LRCH3: variants seen among roughly 807,000 people sequenced by gnomAD.
The protein encoded by LRCH3 is DISP complex protein LRCH3.
A neutral mutation model predicts 104.5 loss-of-function variants in LRCH3; 68 were observed. That is an observed-to-expected ratio of 0.65 (90% CI 0.54 to 0.80). The LOEUF is 0.80. Ranked by LOEUF, LRCH3 falls within the 30% of genes least tolerant of loss-of-function variation. LRCH3 has a pLI of 0.00. For missense variants in LRCH3, 951 were observed against 953.9 expected (o/e 1.00, Z 0.04); for synonymous variants, 344 against 361.3 (o/e 0.95, Z 0.54).
chr3:197,845,032 G>C (rs1190566293), intron 10 of LRCH3, among the ~76,000 whole-genome samples: 1 of 152,184 alleles, frequency 6.6e-6, no homozygotes, highest in Non-Finnish European at 1.5e-5. Context: ...GAAACTGAAA[G>C]GACGGGACGC....
In LRCH3 at chr3:197,817,205, A is replaced by G. The variant is rs1309444940; in HGVS notation, c.437A>G (p.His146Arg). ...AACCAACTGTCAACATTGCCGGTAC[A>G]CTTGTGTAATTTGCCATTGAAAGTC... Reference protein sequence around the residue: ...SRNQLSTLPVHLCNLPLKVLI... With the variant: ...SRNQLSTLPVRLCNLPLKVLI... The change falls in exon 3 of 21, where the codon CAC (histidine) becomes CGC (arginine). Residue 146 changes from histidine to arginine, a missense_variant. Coordinates refer to ENST00000425562, the MANE Select transcript of LRCH3 (RefSeq NM_001365715.1). 1 of 1,604,372 alleles carries G rather than the reference A, an allele frequency of 6.2e-7. No individual in the cohort carries two copies. Among genetic ancestry groups the G allele is most frequent in the Non-Finnish European group, 8.5e-7 (1 of 1,175,816 alleles).
At position 197,869,941 on chromosome 3, in the gene LRCH3, G is replaced by C. The variant is rs576563819; in HGVS notation, c.1874-219G>C. On this transcript the variant is annotated intron_variant, in intron 17 of 20. Transcript: ENST00000425562. ...ACTGTACCTGCAGGAGGTAGAAAGCGATGCACTGTACCCGCAGGAGGTAGA... is the reference window on the plus strand; with the variant it reads ...ACTGTACCTGCAGGAGGTAGAAAGCCATGCACTGTACCCGCAGGAGGTAGA... Among the ~76,000 whole-genome samples the C allele has an allele frequency of 6.5e-4, 95 of 146,224 alleles. 1 individual carries two copies. The highest frequency in any genetic ancestry group is 2.1e-3 in the East Asian group (10 of 4,842).
At chr3:197,847,334 T>A (rs1049447152) in intron 10 of LRCH3, 75 bp from the exon 11 acceptor site, 23 of 1,341,362 alleles carry the variant, frequency 1.7e-5, no homozygotes, top group Non-Finnish European at 2.4e-5. Context: ...CAATAAAAAT[T>A]TCATTTGTTT....
intron 1 of LRCH3, among the ~76,000 whole-genome samples, chr3:197,800,330 A>G (rs1731740905): frequency 6.6e-6 from 1 of 152,222 alleles, no homozygotes. Flanking sequence ...GAATGTCTAT[A>G]CACAAGTAAG....
At chr3:197,847,769 CA>C in intron 11 of LRCH3, 102 bp from the exon 12 acceptor site, 1 of 952,436 alleles carries the variant, frequency 1.0e-6, no homozygotes, top group Non-Finnish European at 1.4e-6. Flanking sequence ...GACTTCAAAG[CA>C]AAAGTTGCAT....
chr3:197,866,189 C>T lies in LRCH3; in HGVS notation c.1843C>T (p.Arg615Ter), dbSNP rs371527508. 9.3e-6 allele frequency: 15 copies of T among 1,613,888 alleles called. No individual in the cohort carries two copies. Among genetic ancestry groups the T allele is most frequent in the South Asian group, 4.4e-5 (4 of 91,066 alleles). The change falls in exon 17 of 21, where the codon CGA becomes TGA. Residue 615 changes from arginine to a stop codon, truncating the protein, a stop_gained. Transcript: ENST00000425562. LOFTEE classifies it high-confidence loss of function. ...QPQRPESFLF[R>*]AGVRAETNKG... Reference sequence around the variant, plus strand: ...TCAGCGCCCTGAAAGCTTCCTTTTCCGAGCAGGTGTCAGGGCAGAAACCAA... The same window carrying T: ...TCAGCGCCCTGAAAGCTTCCTTTTCTGAGCAGGTGTCAGGGCAGAAACCAA...
chr3:197,813,473 A>G, intron 1 of LRCH3, among the ~76,000 whole-genome samples: 1 of 148,368 alleles, frequency 6.7e-6, no homozygotes, highest in Non-Finnish European at 1.5e-5. Context: ...TGGCAAGACC[A>G]TAGGTAATGT....
chr3:197,880,612 G>A, intron 20 of LRCH3: 4 of 1,536,780 alleles, frequency 2.6e-6, no homozygotes, highest in Non-Finnish European at 2.6e-6. Flanking sequence ...GAAGAATCCA[G>A]TTTTGTCTGT....
intron 17 of LRCH3, 100 bp downstream of exon 17, chr3:197,866,319 A>G: frequency 2.5e-6 from 2 of 788,932 alleles, no homozygotes; most frequent in Non-Finnish European, 4.3e-6. Context: ...ATAGTATAAG[A>G]CAAAGCTATC....
intron 1 of LRCH3, among the ~76,000 whole-genome samples, chr3:197,795,216 A>G (rs1018980513): frequency 7.9e-5 from 12 of 152,088 alleles, no homozygotes; most frequent in African/African-American, 2.7e-4. Flanking sequence ...TGTTAAGAGT[A>G]TAAGGGACAT....
At chr3:197,799,304 G>C (rs1436128249) in intron 1 of LRCH3, among the ~76,000 whole-genome samples, 1 of 152,132 alleles carries the variant, frequency 6.6e-6, no homozygotes, top group Non-Finnish European at 1.5e-5. Flanking sequence ...AGGTGCGCTT[G>C]GGAAAAATGT....
At chr3:197,867,360 G>A (rs944131557) in intron 17 of LRCH3, among the ~76,000 whole-genome samples, 16 of 151,354 alleles carry the variant, frequency 1.1e-4, no homozygotes, top group African/African-American at 3.6e-4. Context: ...AGGCTGTAGT[G>A]AGCTGAGATT....
chr3:197,861,445 G>A (rs1275641419), intron 15 of LRCH3, among the ~76,000 whole-genome samples: 1 of 152,194 alleles, frequency 6.6e-6, no homozygotes, highest in Admixed American at 6.5e-5. Flanking sequence ...TCATAACTGA[G>A]AGTTGTTTTG....
intron 10 of LRCH3, among the ~76,000 whole-genome samples, chr3:197,845,846 G>C (rs945829973): frequency 2.6e-5 from 4 of 152,234 alleles, no homozygotes; most frequent in African/African-American, 9.6e-5. Context: ...TGGAGGTTGT[G>C]GTGAGCGAGA....
Position 197,798,049 on chromosome 3 carries a change from C to T in LRCH3, c.262+6509C>T, listed in dbSNP as rs536820943. Among the ~76,000 whole-genome samples the T allele has an allele frequency of 3.3e-5, 5 of 152,032 alleles. No homozygotes were observed. In the East Asian group the frequency reaches 7.7e-4, roughly 24 times the overall value. The stretch of plus-strand genomic sequence containing the variant: ...GGCTGAGGCGAGTGGATCACTTGAG[C>T]CCAGGAGATGGAGACCAGCCTGGGC... On this transcript the variant is annotated intron_variant, in intron 1 of 20. Coordinates refer to ENST00000425562, the MANE Select transcript of LRCH3 (RefSeq NM_001365715.1).
At chr3:197,811,304 A>G (rs1733097309) in intron 1 of LRCH3, among the ~76,000 whole-genome samples, 2 of 152,156 alleles carry the variant, frequency 1.3e-5, no homozygotes, top group Non-Finnish European at 2.9e-5. Flanking sequence ...CTGATTGTGT[A>G]TTTCAGAAAT....
intron 20 of LRCH3, among the ~76,000 whole-genome samples, chr3:197,877,543 C>T (rs1415373089): frequency 8.3e-6 from 1 of 121,042 alleles, no homozygotes; most frequent in Admixed American, 8.8e-5. Flanking sequence ...TTCTCTTTAC[C>T]CAACTCACCG....
Position 197,830,845 on chromosome 3 carries a change from G to C in LRCH3, c.963G>C (p.Lys321Asn). The change falls in exon 7 of 21, where the codon AAG (lysine) becomes AAC (asparagine). Residue 321 changes from lysine (K) to asparagine (N), a missense_variant. Coordinates refer to ENST00000425562, the MANE Select transcript of LRCH3 (RefSeq NM_001365715.1). ...SGFNSVDSGDKRWSGNEPTDE... is the reference protein window; with the variant it reads ...SGFNSVDSGDNRWSGNEPTDE... ...TCAATAGTGTGGACAGTGGTGATAA[G>C]AGATGGTCAGGGAATGAAGTAAGTG... 1 of 1,613,930 alleles carries C rather than the reference G, an allele frequency of 6.2e-7. No homozygotes were observed. Among genetic ancestry groups the C allele is most frequent in the Non-Finnish European group, 8.5e-7 (1 of 1,179,836 alleles).
chr3:197,805,821 C>A (rs1437207984), intron 1 of LRCH3, among the ~76,000 whole-genome samples: 2 of 152,128 alleles, frequency 1.3e-5, no homozygotes, highest in African/African-American at 4.8e-5. Flanking sequence ...GGTATCGGTA[C>A]TTACAGAACC....
Sources: allele counts gnomAD v4.1 joint callset (sites outside exome capture counted in the v4.1 genomes callset), GRCh38; gene constraint gnomAD v4.1.1; transcripts MANE v1.5; gene names NCBI Gene and HGNC (gene_info 2026-07-23, HGNC 2026-07-21).